The following TAMM41 variants were observed in gnomAD, a reference collection of about 807,000 sequenced individuals.
The protein encoded by TAMM41 is TAM41 mitochondrial translocator assembly and maintenance homolog, also known as phosphatidate cytidylyltransferase, mitochondrial.
In TAMM41, 36 loss-of-function variants were observed where a neutral mutation model predicts 44.1. That is an observed-to-expected ratio of 0.82 (90% confidence interval 0.63 to 1.08). TAMM41 has a LOEUF of 1.08. TAMM41 is among the 50% of genes least tolerant of loss of function. TAMM41 has a pLI of 0.00. For missense variants in TAMM41, 417 were observed against 404.3 expected (o/e 1.03, Z -0.27); for synonymous variants, 164 against 153.1 (o/e 1.07, Z -0.53).
chr3:11,805,813 T>C (rs2077890900), intron 7 of TAMM41, among the ~76,000 whole-genome samples: 1 of 152,240 alleles, frequency 6.6e-6, no homozygotes. Flanking sequence ...CCTTCTAAAT[T>C]ATACGCCTCT....
At chr3:11,788,964 AAAAG>A (rs574618012), downstream of TAMM41, among the ~76,000 whole-genome samples, 101 of 152,220 alleles carry the variant, frequency 6.6e-4, no homozygotes, top group African/African-American at 2.2e-3. Context: ...AAAAAGAAAA[AAAAG>A]AAAGAAAGAA....
chr3:11,731,624 A>G, the TAMM41 span, among the ~76,000 whole-genome samples: 1 of 152,250 alleles, frequency 6.6e-6, no homozygotes, highest in Non-Finnish European at 1.5e-5. Context: ...AGATTTTAGT[A>G]CAGACGGGGG....
Position 11,809,635 on chromosome 3 carries a change from G to A in TAMM41, c.756C>T (p.Pro252=), listed in dbSNP as rs116209630. 1.0e-4 allele frequency: 166 copies of A among 1,614,056 alleles called. No individual in the cohort carries two copies. In the African/African-American group the frequency reaches 2.1e-3, roughly 20 times the overall value. ...EGQFTQLMTL[P]KTLQQQINHI... is the part of the protein sequence containing the mutation. ...GATTTATCTGTTGCTGTAAGGTTTT[G>A]GGCAATGTCATCAGCTGAGTGAACT... Residue 252 remains proline (P), a synonymous_variant, in exon 6 of 8, where the codon CCC becomes CCT. Transcript: ENST00000455809.
the TAMM41 span, among the ~76,000 whole-genome samples, chr3:11,729,538 CATTTTTTTTTTTTTTTTTTT>C: frequency 3.1e-5 from 2 of 65,540 alleles, 1 homozygote; most frequent in African/African-American, 1.1e-4. Flanking sequence ...TTCTTTCTTT[CATTTTTTTTTTTTTTTTTTT>C]TTTTTTTTTT....
intron 4 of TAMM41, among the ~76,000 whole-genome samples, chr3:11,818,004 C>T (rs899779070): frequency 5.3e-5 from 8 of 152,130 alleles, no homozygotes; most frequent in Non-Finnish European, 8.8e-5. Flanking sequence ...TGAAAAGTGC[C>T]CTGCCAATGC....
downstream of TAMM41, chr3:11,790,336 T>G (rs561075089): frequency 2.3e-5 from 15 of 665,592 alleles, no homozygotes; most frequent in East Asian, 2.5e-4. Context: ...CTAATATATT[T>G]GGGTCCCAAC....
At chr3:11,843,834 C>T (rs1391520019) in intron 2 of TAMM41, 195 bp downstream of exon 2, 8 of 588,424 alleles carry the variant, frequency 1.4e-5, no homozygotes, top group Non-Finnish European at 2.0e-5. Context: ...AAGTTCAAGA[C>T]GTCTGGCAGG....
At chr3:11,802,981 C>T (rs1575616771) in intron 7 of TAMM41, among the ~76,000 whole-genome samples, 1 of 152,126 alleles carries the variant, frequency 6.6e-6, no homozygotes, top group Admixed American at 6.5e-5. Flanking sequence ...GCAGAAAAAG[C>T]ATTCAATAGC....
the TAMM41 span, among the ~76,000 whole-genome samples, chr3:11,732,456 A>AC: frequency 1.3e-5 from 2 of 152,188 alleles, no homozygotes; most frequent in Non-Finnish European, 2.9e-5. Flanking sequence ...TTCTCCTCTA[A>AC]CACGGAGGTG....
At position 11,844,020 on chromosome 3, in the gene TAMM41, G is replaced by A. The variant is rs1230336363; in HGVS notation, c.318+9C>T. The A allele has an allele frequency of 6.2e-7, 1 of 1,611,968 alleles. No homozygotes were observed. Among genetic ancestry groups the A allele is most frequent in the South Asian group, 1.1e-5 (1 of 90,834 alleles). ...AGCCAAGTTAAGACAAAGGCCAGCA[G>A]TCACTTACCCTACCATTACACATGA... On this transcript the variant is annotated intron_variant, in intron 2 of 7. Coordinates refer to ENST00000455809, the MANE Select transcript of TAMM41 (RefSeq NM_001284401.2).
chr3:11,764,486 C>CTTTTT, the TAMM41 span, among the ~76,000 whole-genome samples: 34 of 68,134 alleles, frequency 5.0e-4, no homozygotes, highest in Non-Finnish European at 5.2e-4. Context: ...TAATCTTATT[C>CTTTTT]TTTTTTTTTT....
chr3:11,753,134 C>G, the TAMM41 span, among the ~76,000 whole-genome samples: 1 of 151,912 alleles, frequency 6.6e-6, no homozygotes, highest in Non-Finnish European at 1.5e-5. Context: ...ATGCTCAGCA[C>G]TGGCTGCCCT....
the TAMM41 span, among the ~76,000 whole-genome samples, chr3:11,752,378 C>T: frequency 2.0e-5 from 3 of 152,032 alleles, no homozygotes; most frequent in African/African-American, 7.2e-5. Context: ...TGGGGGGTGG[C>T]CAGCTTTTAT....
At chr3:11,753,233 C>T in the TAMM41 span, among the ~76,000 whole-genome samples, 43 of 151,906 alleles carry the variant, frequency 2.8e-4, no homozygotes, top group African/African-American at 9.6e-4. Flanking sequence ...CAAGACCAGC[C>T]TGGGCAACAT....
the TAMM41 span, among the ~76,000 whole-genome samples, chr3:11,760,727 G>C: frequency 1.3e-5 from 2 of 151,758 alleles, no homozygotes; most frequent in Non-Finnish European, 2.9e-5. Flanking sequence ...TGCCTGGCTA[G>C]TTTTTGTATT....
At chr3:11,773,112 A>T in the TAMM41 span, among the ~76,000 whole-genome samples, 2 of 151,964 alleles carry the variant, frequency 1.3e-5, 1 homozygote, top group East Asian at 3.9e-4. Flanking sequence ...ACACACCACC[A>T]TGTCCAGCTA....
chr3:11,768,594 G>A, the TAMM41 span, among the ~76,000 whole-genome samples: 1 of 152,208 alleles, frequency 6.6e-6, no homozygotes, highest in South Asian at 2.1e-4. Context: ...CCAGACACCA[G>A]GAAATTTAGA....
the TAMM41 span, among the ~76,000 whole-genome samples, chr3:11,751,682 C>A: frequency 1.3e-4 from 20 of 152,174 alleles, no homozygotes; most frequent in Non-Finnish European, 2.1e-4. Context: ...ACCGGCTTAC[C>A]CCCGAAGTGT....
chr3:11,838,766 G>C (rs1172347872), intron 3 of TAMM41, among the ~76,000 whole-genome samples: 1 of 151,914 alleles, frequency 6.6e-6, no homozygotes, highest in Admixed American at 6.6e-5. Context: ...TTGGTGATTG[G>C]CCCAATCTCC....
Sources: gnomAD v4.1 joint callset for allele counts (sites outside exome capture counted in the v4.1 genomes callset) on GRCh38, gnomAD v4.1.1 for gene constraint, MANE v1.5 for transcripts, NCBI Gene and HGNC (gene_info 2026-07-23, HGNC 2026-07-21) for gene names.